Variants in FAM204A observed in about 807,000 individuals in gnomAD.
FAM204A encodes the protein family with sequence similarity 204 member A.
FAM204A carries 16 observed loss-of-function variants against 35.4 expected under a neutral mutation model. The ratio of observed to expected loss-of-function variants is 0.45; its 90% confidence interval spans 0.31 to 0.69. The LOEUF is 0.69. FAM204A is among the 30% of genes least tolerant of loss of function. The probability of loss-of-function intolerance (pLI) is 0.07; values close to 1 mark genes in which losing one functional copy is unlikely to be tolerated. For missense variants in FAM204A, 240 were observed against 265.7 expected (o/e 0.90, Z 0.67); for synonymous variants, 76 against 86.9 (o/e 0.88, Z 0.70).
chr10:118,316,579 T>C (rs938539838), intron 7 of FAM204A, among the ~76,000 whole-genome samples: 2 of 152,168 alleles, frequency 1.3e-5, no homozygotes, highest in Non-Finnish European at 2.9e-5. Flanking sequence ...ACTACATGTA[T>C]CTATATATAT....
rs148826875 is a variant in FAM204A, at chr10:118,338,005, A to G, written c.-8-1582T>C. 1.2e-4 allele frequency among the ~76,000 whole-genome samples: 19 copies of G among 152,330 alleles called. No individual in the cohort carries two copies. In the East Asian group the frequency reaches 3.5e-3, roughly 28 times the overall value. Reference sequence around the variant, plus strand: ...AGTCACAATCTGATGTGAAGTGTCTATAACAAATGTTAGTGTTTGGTTTTC... The same window carrying G: ...AGTCACAATCTGATGTGAAGTGTCTGTAACAAATGTTAGTGTTTGGTTTTC... On this transcript the variant is annotated intron_variant, in intron 2 of 8. Transcript: ENST00000369183.
At chr10:118,335,662 T>A (rs759398586) in intron 3 of FAM204A, 21 bp from the exon 4 acceptor site, 1 of 1,523,552 alleles carries the variant, frequency 6.6e-7, no homozygotes, top group Non-Finnish European at 9.0e-7. Flanking sequence ...GAAAAAAAAA[T>A]TGAGAAGCAA....
At chr10:118,328,917 G>C (rs752784291) in intron 6 of FAM204A, among the ~76,000 whole-genome samples, 2 of 152,040 alleles carry the variant, frequency 1.3e-5, no homozygotes, top group Non-Finnish European at 2.9e-5. Context: ...ACTCTGTCCT[G>C]GAGCTTCAAT....
At chr10:118,338,671 C>A (rs1846425189) in intron 2 of FAM204A, among the ~76,000 whole-genome samples, 1 of 152,198 alleles carries the variant, frequency 6.6e-6, no homozygotes, top group Non-Finnish European at 1.5e-5. Context: ...AGTTTTTGAG[C>A]CAAGTATTCC....
At chr10:118,322,078 A>G (rs539982276) in intron 7 of FAM204A, among the ~76,000 whole-genome samples, 10 of 152,256 alleles carry the variant, frequency 6.6e-5, no homozygotes, top group Non-Finnish European at 1.0e-4. Context: ...GTGATGATTA[A>G]AAGTACAATG....
chr10:118,310,940 T>C, intron 8 of FAM204A, 32 bp from the exon 9 acceptor site: 1 of 1,555,570 alleles, frequency 6.4e-7, no homozygotes, highest in Non-Finnish European at 8.7e-7. Context: ...TCTCAATTTA[T>C]TTCTTAAAAA....
intron 7 of FAM204A, among the ~76,000 whole-genome samples, chr10:118,325,258 TGC>T (rs1589725214): frequency 6.6e-6 from 1 of 151,942 alleles, no homozygotes; most frequent in East Asian, 1.9e-4. Flanking sequence ...GATGGAAGAG[TGC>T]AACAGTATTT....
At chr10:118,314,914 C>CT (rs1846008105) in intron 7 of FAM204A, among the ~76,000 whole-genome samples, 1 of 152,044 alleles carries the variant, frequency 6.6e-6, no homozygotes, top group African/African-American at 2.4e-5. Flanking sequence ...GCTCTAAAGG[C>CT]TTTTTATCAC....
chr10:118,311,580 G>A (rs1244451641), intron 7 of FAM204A: 1 of 310,448 alleles, frequency 3.2e-6, no homozygotes, highest in Non-Finnish European at 5.8e-6. Context: ...GTCCACAAAG[G>A]TAGTAATGAG....
At chr10:118,336,014 C>T (rs1846379367) in intron 3 of FAM204A, 168 bp downstream of exon 3, 1 of 684,094 alleles carries the variant, frequency 1.5e-6, no homozygotes. Context: ...ACAAAATAAA[C>T]GCAAGTATCT....
At chr10:118,318,305 A>C (rs1846061621) in intron 7 of FAM204A, among the ~76,000 whole-genome samples, 1 of 152,086 alleles carries the variant, frequency 6.6e-6, no homozygotes. Flanking sequence ...TCTGTATGAA[A>C]TAATCATTTA....
rs1845793432 is a variant in FAM204A, at chr10:118,300,144, T to G, written c.*10713A>C. The stretch of plus-strand genomic sequence containing the variant: ...AAGCAGGGTCCTCTAGAAGGAAAAG[T>G]TCAGGTGGTTTCTGAACCACGGAAA... On this transcript the variant is annotated 3_prime_UTR_variant, in exon 9 of 9. Coordinates refer to ENST00000369183, the MANE Select transcript of FAM204A (RefSeq NM_022063.3). 6.6e-6 allele frequency: 1 copy of G among 152,102 alleles called. No homozygotes were observed. The highest frequency in any genetic ancestry group is 1.5e-5 in the Non-Finnish European group (1 of 68,022). The allele number at this position is 152,102 out of a possible 1,614,324, so 9.4% of individuals were successfully genotyped here. A position where few individuals can be genotyped will look rare whatever the true frequency, so the allele number is the denominator to read the frequency against.
intron 6 of FAM204A, among the ~76,000 whole-genome samples, chr10:118,333,870 A>G (rs1010618507): frequency 6.6e-6 from 1 of 152,224 alleles, no homozygotes; most frequent in African/African-American, 2.4e-5. Flanking sequence ...ATTTAAAATC[A>G]GAGATACTTT....
rs1353148999 is a variant in FAM204A, at chr10:118,305,243, G to GTCAT, written c.*5610_*5613dup. 2.0e-5 allele frequency: 3 copies of GTCAT among 152,174 alleles called. No homozygotes were observed. Among genetic ancestry groups the GTCAT allele is most frequent in the Non-Finnish European group, 4.4e-5 (3 of 68,036 alleles). The allele number at this position is 152,174 out of a possible 1,614,324, so 9.4% of individuals were successfully genotyped here. A position where few individuals can be genotyped will look rare whatever the true frequency, so the allele number is the denominator to read the frequency against. ...AGAAATAAGCTTGTATTGTGCTTGA[G>GTCAT]TCATTATATTTTGGGGGGCATATTT... On this transcript the variant is annotated 3_prime_UTR_variant, in exon 9 of 9. Transcript: ENST00000369183.
intron 7 of FAM204A, among the ~76,000 whole-genome samples, chr10:118,314,305 C>T (rs1274850590): frequency 6.6e-6 from 1 of 152,184 alleles, no homozygotes; most frequent in East Asian, 1.9e-4. Context: ...GCTGATAAAA[C>T]ACTAAGCAAA....
At chr10:118,339,135 C>G (rs1309326660) in intron 2 of FAM204A, among the ~76,000 whole-genome samples, 1 of 152,152 alleles carries the variant, frequency 6.6e-6, no homozygotes, top group Non-Finnish European at 1.5e-5. Flanking sequence ...TAGTCATGTG[C>G]CATTTTCCTG....
intron 7 of FAM204A, among the ~76,000 whole-genome samples, chr10:118,314,731 G>A (rs913313981): frequency 6.6e-6 from 1 of 152,060 alleles, no homozygotes; most frequent in African/African-American, 2.4e-5. Flanking sequence ...ACACAACGTG[G>A]AAAGAAATTT....
At chr10:118,320,221 C>G (rs900066453) in intron 7 of FAM204A, among the ~76,000 whole-genome samples, 9 of 150,366 alleles carry the variant, frequency 6.0e-5, no homozygotes, top group African/African-American at 2.2e-4. Context: ...TTTTAAAATC[C>G]AAAAATTTAA....
chr10:118,313,888 G>A (rs1845990717), intron 7 of FAM204A, among the ~76,000 whole-genome samples: 1 of 152,070 alleles, frequency 6.6e-6, no homozygotes, highest in Admixed American at 6.6e-5. Flanking sequence ...TCCCAACATG[G>A]CTGTCCTGGT....
Sources: allele counts gnomAD v4.1 joint callset (sites outside exome capture counted in the v4.1 genomes callset), GRCh38; gene constraint gnomAD v4.1.1; transcripts MANE v1.5; gene names NCBI Gene and HGNC (gene_info 2026-07-23, HGNC 2026-07-21).